Variants in PTPN2 observed in about 807,000 individuals in gnomAD.
PTPN2 encodes tyrosine-protein phosphatase non-receptor type 2.
A neutral mutation model predicts 57.3 loss-of-function variants in PTPN2; 19 were observed. The ratio of observed to expected loss-of-function variants is 0.33; its 90% CI spans 0.23 to 0.49. The LOEUF is 0.49. PTPN2 is among the 20% of genes least tolerant of loss of function. The probability of loss-of-function intolerance (pLI) is 0.99; values close to 1 mark genes in which losing one functional copy is unlikely to be tolerated. For missense variants in PTPN2, 358 were observed against 501.1 expected (o/e 0.71, Z 2.73); for synonymous variants, 153 against 164.9 (o/e 0.93, Z 0.55).
chr18:12,869,487 A>G (rs973208961), intron 1 of PTPN2, among the ~76,000 whole-genome samples: 3 of 152,240 alleles, frequency 2.0e-5, no homozygotes, highest in African/African-American at 7.2e-5. Context: ...AAAAATCTAT[A>G]TTACTGCAAC....
chr18:12,865,725 G>A (rs1408926421), intron 1 of PTPN2, among the ~76,000 whole-genome samples: 1 of 151,934 alleles, frequency 6.6e-6, no homozygotes, highest in African/African-American at 2.4e-5. Flanking sequence ...TACTCGGAAG[G>A]CTGAGGAACG....
At chr18:12,856,327 T>G (rs1044994230) in intron 2 of PTPN2, among the ~76,000 whole-genome samples, 1 of 152,194 alleles carries the variant, frequency 6.6e-6, no homozygotes, top group Admixed American at 6.5e-5. Flanking sequence ...TAGAAAATCC[T>G]GTGGCTACGT....
At position 12,870,456 on chromosome 18, in the gene PTPN2, TATATATAG is replaced by T. The variant is rs1223471327; in HGVS notation, c.70-11210_70-11203del. ...ATATATATGTGTATATATATATATATATATATAGAGAGAGAGAGAGAGAGAGAGAGAGA... is the reference window on the plus strand; with the variant it reads ...ATATATATGTGTATATATATATATATAGAGAGAGAGAGAGAGAGAGAGAGA... On this transcript the variant is annotated intron_variant, in intron 1 of 8. Coordinates refer to ENST00000309660, the MANE Select transcript of PTPN2 (RefSeq NM_002828.4). Among the ~76,000 whole-genome samples the T allele has an allele frequency of 9.8e-3, 380 of 38,588 alleles. 10 individuals are homozygous for T. The highest frequency in any genetic ancestry group is 0.011 in the Non-Finnish European group (278 of 24,608). 25.3% of individuals were successfully genotyped at this position (38,588 alleles called of 152,430 possible). A position where few individuals can be genotyped will look rare whatever the true frequency, so the allele number is the denominator to read the frequency against.
At chr18:12,849,591 A>G (rs1170126475) in intron 2 of PTPN2, among the ~76,000 whole-genome samples, 1 of 152,176 alleles carries the variant, frequency 6.6e-6, no homozygotes, top group Non-Finnish European at 1.5e-5. Context: ...TAAAAAAGGT[A>G]TTCTAATGTT....
At chr18:12,811,196 A>AT (rs1332745583) in intron 7 of PTPN2, among the ~76,000 whole-genome samples, 1 of 152,184 alleles carries the variant, frequency 6.6e-6, no homozygotes, top group Non-Finnish European at 1.5e-5. Context: ...TAGAGACAGA[A>AT]TTTTAACCTA....
chr18:12,808,577 G>A (rs749441689), intron 7 of PTPN2, among the ~76,000 whole-genome samples: 2 of 152,128 alleles, frequency 1.3e-5, no homozygotes, highest in Non-Finnish European at 2.9e-5. Context: ...TCAGGAGATC[G>A]AGACCATCCT....
intron 4 of PTPN2, among the ~76,000 whole-genome samples, chr18:12,827,752 C>A (rs2042529747): frequency 6.6e-6 from 1 of 151,156 alleles, no homozygotes; most frequent in Non-Finnish European, 1.5e-5. Flanking sequence ...GAGAACGTGA[C>A]AAATAAAAAA....
chr18:12,854,432 G>A (rs1390497217), intron 2 of PTPN2, among the ~76,000 whole-genome samples: 2 of 151,930 alleles, frequency 1.3e-5, no homozygotes, highest in African/African-American at 2.4e-5. Flanking sequence ...TATTAGTGAC[G>A]TGGGAAATGA....
At position 12,793,977 on chromosome 18, in the gene PTPN2, C is replaced by A; in HGVS notation, c.*301G>T. The stretch of plus-strand genomic sequence containing the variant: ...ACAAATCCTGTGATAAAGGATATCT[C>A]AATGTTGGTCAGGTGAAATACTGTG... On this transcript the variant is annotated 3_prime_UTR_variant, in exon 9 of 9. Transcript: ENST00000309660. The A allele has an allele frequency of 8.2e-7, 1 of 1,217,098 alleles. No individual in the cohort carries two copies. The allele number at this position is 1,217,098 out of a possible 1,614,324, so 75.4% of individuals were successfully genotyped here.
At chr18:12,820,743 T>C (rs2042244399) in intron 5 of PTPN2, among the ~76,000 whole-genome samples, 1 of 152,208 alleles carries the variant, frequency 6.6e-6, no homozygotes, top group Non-Finnish European at 1.5e-5. Flanking sequence ...AGGCTGTCCC[T>C]GTCTGCAGCC....
intron 1 of PTPN2, among the ~76,000 whole-genome samples, chr18:12,879,310 T>C (rs1309618216): frequency 1.3e-5 from 2 of 152,156 alleles, no homozygotes; most frequent in Non-Finnish European, 2.9e-5. Context: ...CCAGCACTCT[T>C]TCACGATCAA....
chr18:12,788,743 A>C (rs1472693733), downstream of PTPN2, among the ~76,000 whole-genome samples: 1 of 152,098 alleles, frequency 6.6e-6, no homozygotes, highest in Non-Finnish European at 1.5e-5. Flanking sequence ...CAGTGAGGAA[A>C]AATGCTCCCT....
intron 1 of PTPN2, among the ~76,000 whole-genome samples, chr18:12,877,257 T>C (rs1355066724): frequency 6.6e-6 from 1 of 152,142 alleles, no homozygotes; most frequent in Non-Finnish European, 1.5e-5. Flanking sequence ...CTCAAGGAGC[T>C]ACACAGAACA....
intron 1 of PTPN2, among the ~76,000 whole-genome samples, chr18:12,875,070 A>C (rs4249378): frequency 6.6e-6 from 1 of 152,068 alleles, no homozygotes; most frequent in Non-Finnish European, 1.5e-5. Flanking sequence ...GATTAAGGGC[A>C]GTGCAAGATG....
chr18:12,873,724 G>A (rs564537674), intron 1 of PTPN2, among the ~76,000 whole-genome samples: 50 of 152,330 alleles, frequency 3.3e-4, no homozygotes, highest in Admixed American at 1.5e-3. Flanking sequence ...TCTAGGAAGT[G>A]AGGAGCGTCT....
intron 1 of PTPN2, among the ~76,000 whole-genome samples, chr18:12,873,558 G>A (rs143325263): frequency 0.1 from 15,613 of 152,148 alleles, 935 homozygotes; most frequent in Non-Finnish European, 0.15. Context: ...CGGAGGTGCC[G>A]GGATTGCAGA....
chr18:12,836,696 C>A, intron 3 of PTPN2, 95 bp downstream of exon 3: 1 of 737,760 alleles, frequency 1.4e-6, no homozygotes, highest in South Asian at 2.0e-5. Context: ...ATTTCATTTC[C>A]AAAAGAAGTC....
intron 1 of PTPN2, among the ~76,000 whole-genome samples, chr18:12,882,724 G>A (rs1350538169): frequency 6.6e-6 from 1 of 152,170 alleles, no homozygotes. Context: ...TGTATCATGG[G>A]AATCAGAATA....
intron 1 of PTPN2, 94 bp downstream of exon 1, chr18:12,883,979 C>G: frequency 2.6e-6 from 3 of 1,154,768 alleles, no homozygotes; most frequent in Middle Eastern, 2.2e-4. Flanking sequence ...AGGCTAGAGG[C>G]GAGAGGCGGG....
Sources: allele counts gnomAD v4.1 joint callset (sites outside exome capture counted in the v4.1 genomes callset), GRCh38; gene constraint gnomAD v4.1.1; transcripts MANE v1.5; gene names NCBI Gene and HGNC (gene_info 2026-07-23, HGNC 2026-07-21).